The following SNTG1 variants were observed in gnomAD, a reference collection of about 807,000 sequenced individuals.
The protein encoded by SNTG1 is syntrophin gamma 1.
SNTG1 carries 39 observed loss-of-function variants against 74.7 expected under a neutral mutation model. The observed-to-expected ratio is 0.52, with a 90% CI of 0.40 to 0.68. SNTG1 has a LOEUF of 0.68. Among genes scored for constraint, SNTG1 ranks in the 30% least tolerant of loss-of-function variants. SNTG1 has a pLI of 0.00. For missense variants in SNTG1, 685 were observed against 609.5 expected (o/e 1.12, Z -1.30); for synonymous variants, 254 against 217.1 (o/e 1.17, Z -1.49).
chr8:50,190,901 G>T (rs538721707), intron 2 of SNTG1, among the ~76,000 whole-genome samples: 4 of 152,070 alleles, frequency 2.6e-5, no homozygotes, highest in African/African-American at 7.2e-5. Context: ...GGAATGACAC[G>T]ACAATAAGAA....
intron 1 of SNTG1, among the ~76,000 whole-genome samples, chr8:50,158,299 T>C (rs1194184151): frequency 6.6e-6 from 1 of 152,160 alleles, no homozygotes; most frequent in Non-Finnish European, 1.5e-5. Context: ...TATGTAGTCT[T>C]ATTTTTAGCC....
intron 2 of SNTG1, among the ~76,000 whole-genome samples, chr8:50,386,344 A>G (rs561400555): frequency 5.3e-5 from 8 of 152,178 alleles, no homozygotes; most frequent in African/African-American, 1.7e-4. Context: ...AGTGTCTGGT[A>G]GTTGCTGAAA....
intron 12 of SNTG1, among the ~76,000 whole-genome samples, chr8:50,578,370 C>T (rs2094588661): frequency 6.6e-6 from 1 of 151,698 alleles, no homozygotes; most frequent in African/African-American, 2.4e-5. Context: ...CTCAGCTAAA[C>T]ATGAAAATAA....
At chr8:50,116,449 G>T in intron 1 of SNTG1, among the ~76,000 whole-genome samples, 1 of 151,930 alleles carries the variant, frequency 6.6e-6, no homozygotes, top group East Asian at 1.9e-4. Flanking sequence ...TTTGATTTAC[G>T]TTGCTTATAA....
chr8:49,989,775 A>T (rs1813508016), intron 1 of SNTG1, among the ~76,000 whole-genome samples: 1 of 151,672 alleles, frequency 6.6e-6, no homozygotes, highest in African/African-American at 2.4e-5. Context: ...TATCTCATGA[A>T]TACAAGGTAG....
chr8:50,642,700 C>G (rs1421711400), intron 13 of SNTG1, among the ~76,000 whole-genome samples: 1 of 152,142 alleles, frequency 6.6e-6, no homozygotes, highest in Non-Finnish European at 1.5e-5. Context: ...GATGTTAGGG[C>G]AATCGCAGCT....
At chr8:50,756,368 G>T (rs1327358397) in intron 18 of SNTG1, among the ~76,000 whole-genome samples, 3 of 151,818 alleles carry the variant, frequency 2.0e-5, no homozygotes, top group Admixed American at 1.3e-4. Flanking sequence ...TTATCTTCTA[G>T]GAGTTTTTAA....
At chr8:50,517,288 G>A (rs1585545616) in intron 9 of SNTG1, among the ~76,000 whole-genome samples, 1 of 152,128 alleles carries the variant, frequency 6.6e-6, no homozygotes, top group African/African-American at 2.4e-5. Flanking sequence ...AAGAGTTCCT[G>A]AAAAAAGTGC....
chr8:50,007,976 T>A (rs1409524175), intron 1 of SNTG1, among the ~76,000 whole-genome samples: 1 of 152,006 alleles, frequency 6.6e-6, no homozygotes. Flanking sequence ...TTTAAAACCA[T>A]CAGATTTTGA....
intron 17 of SNTG1, among the ~76,000 whole-genome samples, chr8:50,729,013 C>T (rs1174076410): frequency 6.6e-6 from 1 of 152,186 alleles, no homozygotes; most frequent in Non-Finnish European, 1.5e-5. Flanking sequence ...CAATATTTAG[C>T]TTGCATGCTG....
At chr8:50,543,530 C>T (rs1395533872) in intron 11 of SNTG1, among the ~76,000 whole-genome samples, 2 of 151,950 alleles carry the variant, frequency 1.3e-5, no homozygotes, top group African/African-American at 4.8e-5. Context: ...TTCAGTTGTT[C>T]ATTCCTTTTC....
At chr8:50,345,145 C>A (rs1335916366) in intron 2 of SNTG1, among the ~76,000 whole-genome samples, 2 of 152,106 alleles carry the variant, frequency 1.3e-5, no homozygotes, top group East Asian at 1.9e-4. Flanking sequence ...CTAATGACAG[C>A]CCAGAAAAAG....
chr8:50,089,279 G>A (rs1023099579), intron 1 of SNTG1, among the ~76,000 whole-genome samples: 7 of 152,018 alleles, frequency 4.6e-5, no homozygotes, highest in South Asian at 4.2e-4. Context: ...AGATTTAAAC[G>A]TTAGACCTAA....
rs144718463 is a variant in SNTG1 at position 50,431,419 on chromosome 8, C to G, written c.163-7124C>G. Among the ~76,000 whole-genome samples the G allele has an allele frequency of 4.9e-3, 745 of 152,214 alleles. 2 individuals are homozygous for G. The highest frequency in any genetic ancestry group is 0.01 in the Middle Eastern group (3 of 294). On this transcript the variant is annotated intron_variant, in intron 4 of 18. Coordinates refer to ENST00000642720, the MANE Select transcript of SNTG1 (RefSeq NM_018967.5). ...TCAATACTTCACTGTATAGATGTACCACAGTTTGTTTATTCATTCACTTAT... is the reference window on the plus strand; with the variant it reads ...TCAATACTTCACTGTATAGATGTACGACAGTTTGTTTATTCATTCACTTAT...
intron 8 of SNTG1, among the ~76,000 whole-genome samples, chr8:50,499,281 A>G (rs1427424016): frequency 6.6e-6 from 1 of 151,892 alleles, no homozygotes; most frequent in Non-Finnish European, 1.5e-5. Flanking sequence ...AGATTGATAC[A>G]TAAATATTTC....
At chr8:50,071,815 T>TAAAA (rs10657455) in intron 1 of SNTG1, among the ~76,000 whole-genome samples, 5 of 145,416 alleles carry the variant, frequency 3.4e-5, no homozygotes, top group Middle Eastern at 3.6e-3. Flanking sequence ...ATACTAGTAC[T>TAAAA]AAAAAAAAAA....
At chr8:50,399,247 A>T (rs1212976269) in intron 3 of SNTG1, among the ~76,000 whole-genome samples, 8 of 18,162 alleles carry the variant, frequency 4.4e-4, no homozygotes, top group African/African-American at 6.5e-4. Flanking sequence ...GATTTATTCT[A>T]AAAAAAATCC....
At chr8:50,392,778 A>C (rs918494671) in intron 2 of SNTG1, among the ~76,000 whole-genome samples, 1 of 152,204 alleles carries the variant, frequency 6.6e-6, no homozygotes, top group Non-Finnish European at 1.5e-5. Flanking sequence ...TAGAAAGTAT[A>C]GATATAGCAC....
intron 11 of SNTG1, among the ~76,000 whole-genome samples, chr8:50,549,338 G>A (rs1372252720): frequency 2.0e-5 from 3 of 151,850 alleles, no homozygotes. Context: ...AAACCCAAGG[G>A]GCCTCTTCTT....
Sources: allele counts gnomAD v4.1 joint callset (sites outside exome capture counted in the v4.1 genomes callset), GRCh38; gene constraint gnomAD v4.1.1; transcripts MANE v1.5; gene names NCBI Gene and HGNC (gene_info 2026-07-23, HGNC 2026-07-21).